ASTN2: variants seen among roughly 807,000 people sequenced by gnomAD.
ASTN2 encodes the protein astrotactin-2.
ASTN2 carries 54 observed loss-of-function variants against 139.8 expected under a neutral mutation model. The ratio of observed to expected loss-of-function variants is 0.39; its 90% CI spans 0.31 to 0.48. ASTN2 has a LOEUF of 0.48. Ranked by LOEUF, ASTN2 falls within the 20% of genes least tolerant of loss-of-function variation. The probability of loss-of-function intolerance (pLI) is 0.95; values close to 1 mark genes in which losing one functional copy is unlikely to be tolerated. For synonymous variants in ASTN2, 756 were observed against 719.5 expected (o/e 1.05, Z -0.81); for missense variants, 1,565 against 1,725.1 (o/e 0.91, Z 1.64).
chr9:117,363,249 A>G (rs1829742259), intron 1 of ASTN2, among the ~76,000 whole-genome samples: 1 of 152,152 alleles, frequency 6.6e-6, no homozygotes, highest in African/African-American at 2.4e-5. Context: ...TCTGTTAATC[A>G]CCTACTTATA....
At chr9:117,089,297 A>T (rs2132740311) in intron 5 of ASTN2, among the ~76,000 whole-genome samples, 1 of 152,322 alleles carries the variant, frequency 6.6e-6, no homozygotes, top group East Asian at 1.9e-4. Context: ...CCTGACTCTG[A>T]GTCCAACATT....
intron 1 of ASTN2, among the ~76,000 whole-genome samples, chr9:117,344,574 C>T (rs1296641646): frequency 6.6e-6 from 1 of 152,334 alleles, no homozygotes; most frequent in East Asian, 1.9e-4. Context: ...TATGCGCACA[C>T]ACCCCATAGA....
chr9:117,017,370 C>T (rs1022600980), intron 6 of ASTN2, among the ~76,000 whole-genome samples: 6 of 152,196 alleles, frequency 3.9e-5, no homozygotes, highest in Middle Eastern at 3.4e-3. Flanking sequence ...ACATGGTTGA[C>T]GACTACTCCC....
At chr9:117,211,754 A>G (rs191981969) in intron 3 of ASTN2, among the ~76,000 whole-genome samples, 2 of 152,334 alleles carry the variant, frequency 1.3e-5, no homozygotes, top group Admixed American at 6.5e-5. Flanking sequence ...ACTTCTATAC[A>G]TAAACAAACT....
Position 116,874,055 on chromosome 9 carries a change from T to C in ASTN2, c.1890-10322A>G, listed in dbSNP as rs1345599523. Reference sequence around the variant, plus strand: ...TGTTTTTTCAATTTGAAAAGAAATGTACACACTCAGATGCAGGACTTGGCA... The same window carrying C: ...TGTTTTTTCAATTTGAAAAGAAATGCACACACTCAGATGCAGGACTTGGCA... On this transcript the variant is annotated intron_variant, in intron 10 of 22. Coordinates refer to ENST00000313400, the MANE Select transcript of ASTN2 (RefSeq NM_001365068.1). Among the ~76,000 whole-genome samples, 5 of 152,292 alleles carry C rather than the reference T, an allele frequency of 3.3e-5. No individual in the cohort carries two copies. The East Asian group carries it at 5.8e-4, about 18-fold the overall frequency.
chr9:116,618,207 T>G, intron 19 of ASTN2, 117 bp downstream of exon 19: 1 of 1,135,974 alleles, frequency 8.8e-7, no homozygotes, highest in Non-Finnish European at 1.2e-6. Context: ...CACTAAACAA[T>G]GAAATCTTCC....
chr9:116,698,794 A>C lies in ASTN2; in HGVS notation c.2806+26977T>G. On this transcript the variant is annotated intron_variant, in intron 16 of 22. Coordinates refer to ENST00000313400, the MANE Select transcript of ASTN2 (RefSeq NM_001365068.1). This position sits in a 1 kb window ranked among gnomAD's most constrained non-coding sequence, Gnocchi z 4.4. ...CAGCGGGGTCCTGAGGCAGCCTCCA[A>C]TATCCAGCAGTGCCTCTTTCTCAAG... 1 of 1,614,172 alleles carries C rather than the reference A, an allele frequency of 6.2e-7. No homozygotes were observed. Among genetic ancestry groups the C allele is most frequent in the South Asian group, 1.1e-5 (1 of 91,084 alleles).
Position 116,618,310 on chromosome 9 carries a change from A to T in ASTN2, c.3355+14T>A. 1 of 1,604,356 alleles carries T rather than the reference A, an allele frequency of 6.2e-7. No individual in the cohort carries two copies. Among genetic ancestry groups the T allele is most frequent in the Middle Eastern group, 1.7e-4 (1 of 6,000 alleles). ...GTCATACTATCCCAAGAAAATGGGA[A>T]CTCATGTACCTACCTGTGTACAGGT... On this transcript the variant is annotated intron_variant, in intron 19 of 22. Coordinates refer to ENST00000313400, the MANE Select transcript of ASTN2 (RefSeq NM_001365068.1).
At chr9:117,342,384 T>C (rs1277792064) in intron 1 of ASTN2, among the ~76,000 whole-genome samples, 6 of 152,346 alleles carry the variant, frequency 3.9e-5, no homozygotes, top group Admixed American at 2.0e-4. Flanking sequence ...ATTCAATTTA[T>C]GTGGCAAGGC....
At chr9:116,599,271 G>A (rs377038633) in intron 19 of ASTN2, among the ~76,000 whole-genome samples, 1 of 152,156 alleles carries the variant, frequency 6.6e-6, no homozygotes, top group Admixed American at 6.6e-5. Flanking sequence ...CACATAAAAA[G>A]CATCCAGATT....
At chr9:116,863,276 C>A (rs1227793918) in intron 11 of ASTN2, among the ~76,000 whole-genome samples, 1 of 152,212 alleles carries the variant, frequency 6.6e-6, no homozygotes, top group Non-Finnish European at 1.5e-5. Context: ...GTAAGGCATG[C>A]CCTGTCTTAC....
intron 1 of ASTN2, among the ~76,000 whole-genome samples, chr9:117,411,108 G>A (rs571358425): frequency 1.3e-5 from 2 of 152,286 alleles, no homozygotes; most frequent in Admixed American, 6.5e-5. Flanking sequence ...TTCCTGGCAT[G>A]ACTTTGGATT....
At chr9:117,364,578 G>A (rs1829782226) in intron 1 of ASTN2, among the ~76,000 whole-genome samples, 1 of 152,164 alleles carries the variant, frequency 6.6e-6, no homozygotes, top group Non-Finnish European at 1.5e-5. Context: ...AAGATAAATA[G>A]CTGAAGAGCG....
intron 19 of ASTN2, among the ~76,000 whole-genome samples, chr9:116,512,824 C>T (rs985233399): frequency 6.6e-6 from 1 of 152,060 alleles, no homozygotes. Context: ...AGGATTGCAA[C>T]CCCTGTCTTT....
chr9:116,729,979 C>T (rs998392210), intron 14 of ASTN2, among the ~76,000 whole-genome samples: 1 of 152,172 alleles, frequency 6.6e-6, no homozygotes, highest in African/African-American at 2.4e-5. Context: ...AAAGACACAA[C>T]GAAGTGTTAG....
At chr9:116,940,432 C>A (rs1835191335) in intron 10 of ASTN2, among the ~76,000 whole-genome samples, 1 of 152,128 alleles carries the variant, frequency 6.6e-6, no homozygotes, top group African/African-American at 2.4e-5. Flanking sequence ...TGAAGACCTT[C>A]CAGTGGGACA....
At chr9:117,368,348 T>A (rs1295908859) in intron 1 of ASTN2, among the ~76,000 whole-genome samples, 1 of 151,962 alleles carries the variant, frequency 6.6e-6, no homozygotes, top group Non-Finnish European at 1.5e-5. Flanking sequence ...AAAGAAGTTA[T>A]CCATTGGAAC....
chr9:116,553,959 C>T (rs895053174), intron 19 of ASTN2, among the ~76,000 whole-genome samples: 6 of 152,046 alleles, frequency 3.9e-5, no homozygotes, highest in East Asian at 1.9e-4. Flanking sequence ...GAGCATTGAA[C>T]GAATGAACGA....
At chr9:117,013,474 A>C (rs1041432974) in intron 6 of ASTN2, among the ~76,000 whole-genome samples, 2 of 35,114 alleles carry the variant, frequency 5.7e-5, no homozygotes, top group African/African-American at 1.0e-4. Context: ...TTAAATATAT[A>C]TATATATATA....
Sources: allele counts gnomAD v4.1 joint callset (sites outside exome capture counted in the v4.1 genomes callset), GRCh38; gene constraint gnomAD v4.1.1; non-coding constraint Gnocchi (gnomAD v3.1); transcripts MANE v1.5; gene names NCBI Gene and HGNC (gene_info 2026-07-23, HGNC 2026-07-21).